Variants in TPP2 observed in about 807,000 individuals in gnomAD.
TPP2 encodes the protein tripeptidyl-peptidase 2.
A neutral mutation model predicts 155.9 loss-of-function variants in TPP2; 34 were observed. That is an observed-to-expected ratio of 0.22 (90% CI 0.17 to 0.29). The LOEUF (loss-of-function observed/expected upper bound fraction) is 0.29, where lower values mean the gene tolerates loss of function less well. Among genes scored for constraint, TPP2 ranks in the 10% least tolerant of loss-of-function variants. The pLI, the probability that TPP2 is intolerant of heterozygous loss-of-function variation, is 1.00. For synonymous variants in TPP2, 510 were observed against 529.4 expected (o/e 0.96, Z 0.50); for missense variants, 1,028 against 1,522.3 (o/e 0.68, Z 5.40).
At chr13:102,674,869 C>T (rs1052976597) in intron 28 of TPP2, among the ~76,000 whole-genome samples, 15 of 152,276 alleles carry the variant, frequency 9.9e-5, no homozygotes, top group South Asian at 2.1e-4. Context: ...GTTGAGGAGA[C>T]ATACTGGTTA....
At chr13:102,653,261 GTTGA>G (rs1408939458) in intron 24 of TPP2, among the ~76,000 whole-genome samples, 3 of 152,120 alleles carry the variant, frequency 2.0e-5, no homozygotes, top group African/African-American at 4.8e-5. Flanking sequence ...ATAATTTCCG[GTTGA>G]TTAAGATAAA....
rs553466665 is a variant in TPP2 at position 102,675,051 on chromosome 13, T to G, written c.3579+561T>G. Among the ~76,000 whole-genome samples the G allele has an allele frequency of 7.2e-5, 11 of 152,350 alleles. No homozygotes were observed. The East Asian group carries it at 1.2e-3, about 16-fold the overall frequency. On this transcript the variant is annotated intron_variant, in intron 28 of 29. Coordinates refer to ENST00000376052, the MANE Select transcript of TPP2 (RefSeq NM_001330588.2). ...TAGCTCTCTACTATAATTCTTGCAA[T>G]AGCGTTTATACAAGTTATTAATCTT...
chr13:102,626,820 T>C, intron 6 of TPP2, 192 bp from the exon 7 acceptor site: 1 of 383,102 alleles, frequency 2.6e-6, no homozygotes, highest in Non-Finnish European at 4.6e-6. Flanking sequence ...TTATATATTC[T>C]GGATATAAAG....
intron 1 of TPP2, among the ~76,000 whole-genome samples, chr13:102,603,761 A>G (rs1879608871): frequency 6.6e-6 from 1 of 152,206 alleles, no homozygotes; most frequent in Non-Finnish European, 1.5e-5. Flanking sequence ...TCTCCAATGA[A>G]CATGTCCTTT....
At chr13:102,640,861 A>G (rs1244857025) in intron 16 of TPP2, among the ~76,000 whole-genome samples, 1 of 152,096 alleles carries the variant, frequency 6.6e-6, no homozygotes, top group African/African-American at 2.4e-5. Flanking sequence ...CATGTTGGCT[A>G]GGATGGTCTC....
intron 24 of TPP2, among the ~76,000 whole-genome samples, chr13:102,655,746 T>TC (rs1441256453): frequency 1.3e-5 from 2 of 152,156 alleles, no homozygotes; most frequent in East Asian, 3.9e-4. Context: ...ACTGTTCTTG[T>TC]CCGGGGGGGT....
intron 15 of TPP2, among the ~76,000 whole-genome samples, 165 bp downstream of exon 15, chr13:102,638,480 A>G (rs1311613715): frequency 6.6e-6 from 1 of 152,116 alleles, no homozygotes; most frequent in Non-Finnish European, 1.5e-5. Context: ...AGTCAGCCAT[A>G]CTGACTCTTG....
intron 27 of TPP2, among the ~76,000 whole-genome samples, chr13:102,670,659 G>C (rs1043213450): frequency 6.6e-6 from 1 of 152,252 alleles, no homozygotes; most frequent in Non-Finnish European, 1.5e-5. Flanking sequence ...TAAATACCTG[G>C]GAGAGTCTAG....
rs768789175 is a variant in TPP2, at chr13:102,663,711, C to T, written c.3207C>T (p.Tyr1069=). ...KETYPNYLPL[Y]VARLHQLDAE... is the part of the protein sequence containing the mutation. Reference sequence around the variant, plus strand: ...CATATCCTAATTATCTTCCTCTGTACGTTGCACGACTTCATCAATTGGATG... The same window carrying T: ...CATATCCTAATTATCTTCCTCTGTATGTTGCACGACTTCATCAATTGGATG... The change falls in exon 26 of 30, where the codon TAC becomes TAT. Residue 1069 remains tyrosine (Y), a synonymous_variant. Transcript: ENST00000376052. The T allele has an allele frequency of 1.0e-5, 16 of 1,605,486 alleles. No individual in the cohort carries two copies. The highest frequency in any genetic ancestry group is 3.4e-5 in the Admixed American group (2 of 58,554).
At chr13:102,649,588 T>C in intron 23 of TPP2, 102 bp downstream of exon 23, 2 of 1,045,792 alleles carry the variant, frequency 1.9e-6, no homozygotes, top group Non-Finnish European at 2.7e-6. Flanking sequence ...AAAGAGAAGA[T>C]ATACTCTTGG....
chr13:102,671,333 A>C (rs188779581), intron 27 of TPP2, among the ~76,000 whole-genome samples: 1 of 152,188 alleles, frequency 6.6e-6, no homozygotes, highest in African/African-American at 2.4e-5. Context: ...AAAATGGGCA[A>C]ATTCCAAGGG....
rs1882323542 is a variant in TPP2 at position 102,635,679 on chromosome 13, G to A, written c.1486G>A (p.Ala496Thr). ...GAAGGCTGACAATATAGAAGTATTT[G>A]CTCAAGGACATGGTATTATTCAGGT... ...AVKADNIEVFAQGHGIIQVDK... is the reference protein window; with the variant it reads ...AVKADNIEVFTQGHGIIQVDK... Residue 496 changes from alanine (A) to threonine (T), a missense_variant, in exon 12 of 30, where the codon GCT (alanine) becomes ACT (threonine). Physicochemically the swap from Ala to Thr is moderately conservative, Grantham distance 58. This residue lies in a region of TPP2 where 325 missense variants were observed against 463.7 expected (regional missense o/e 0.70). Coordinates refer to ENST00000376052, the MANE Select transcript of TPP2 (RefSeq NM_001330588.2). 1 of 1,612,910 alleles carries A rather than the reference G, an allele frequency of 6.2e-7. No homozygotes were observed. The highest frequency in any genetic ancestry group is 1.3e-5 in the African/African-American group (1 of 74,898).
intron 27 of TPP2, among the ~76,000 whole-genome samples, chr13:102,673,769 T>TA (rs1218134863): frequency 2.0e-5 from 3 of 152,338 alleles, no homozygotes; most frequent in East Asian, 1.9e-4. Flanking sequence ...AATAGTCTCT[T>TA]ACTCAGAATT....
chr13:102,678,092 G>A, intron 29 of TPP2, 135 bp from the exon 30 acceptor site: 6 of 817,286 alleles, frequency 7.3e-6, no homozygotes, highest in Non-Finnish European at 1.1e-5. Flanking sequence ...TCAATGGGTG[G>A]GTGACGGTTG....
chr13:102,666,824 A>C (rs1250811537), intron 27 of TPP2, among the ~76,000 whole-genome samples: 2 of 114,632 alleles, frequency 1.7e-5, no homozygotes, highest in Non-Finnish European at 3.3e-5. Flanking sequence ...CTAGACATTG[A>C]CTATCATGGC....
chr13:102,632,167 T>C (rs1294005037), intron 10 of TPP2, among the ~76,000 whole-genome samples: 1 of 152,210 alleles, frequency 6.6e-6, no homozygotes, highest in African/African-American at 2.4e-5. Flanking sequence ...TGAAATTTTA[T>C]TATATATTGT....
At chr13:102,649,214 G>A in intron 22 of TPP2, 63 bp downstream of exon 22, 2 of 1,523,500 alleles carry the variant, frequency 1.3e-6, no homozygotes, top group Non-Finnish European at 1.8e-6. Context: ...TTTAATGTCA[G>A]TTTATGACAT....
intron 16 of TPP2, 142 bp from the exon 17 acceptor site, chr13:102,643,080 C>T (rs1373168707): frequency 1.4e-5 from 9 of 651,374 alleles, no homozygotes; most frequent in Admixed American, 4.3e-5. Flanking sequence ...TGGAAATATG[C>T]AGATTTGAGT....
intron 25 of TPP2, 50 bp from the exon 26 acceptor site, chr13:102,663,598 G>A: frequency 7.6e-7 from 1 of 1,311,674 alleles, no homozygotes; most frequent in South Asian, 1.5e-5. Flanking sequence ...AAGACAAATA[G>A]TCTTTTTAAA....
Sources: gnomAD v4.1 joint callset for allele counts (sites outside exome capture counted in the v4.1 genomes callset) on GRCh38, gnomAD v4.1.1 for gene constraint, gnomAD v4.1.1 regional missense constraint, MANE v1.5 for transcripts, NCBI Gene and HGNC (gene_info 2026-07-23, HGNC 2026-07-21) for gene names.